TM9SF3: variants seen among roughly 807,000 people sequenced by gnomAD.
TM9SF3 encodes the protein SM-11044-binding protein.
In TM9SF3, 14 loss-of-function variants were observed where a neutral mutation model predicts 78.6. The ratio of observed to expected loss-of-function variants is 0.18; its 90% CI spans 0.12 to 0.28. TM9SF3 has a LOEUF of 0.28. Ranked by LOEUF, TM9SF3 falls within the 10% of genes least tolerant of loss-of-function variation. The pLI is 1.00. For missense variants in TM9SF3, 496 were observed against 721.9 expected (o/e 0.69, Z 3.59); for synonymous variants, 231 against 241.7 (o/e 0.96, Z 0.41).
At chr10:96,524,346 C>A (rs1379131315) in intron 14 of TM9SF3, among the ~76,000 whole-genome samples, 1 of 151,684 alleles carries the variant, frequency 6.6e-6, no homozygotes, top group Non-Finnish European at 1.5e-5. Flanking sequence ...AGAGAAAAAT[C>A]ATTCAATTTT....
chr10:96,581,595 C>T lies in TM9SF3; in HGVS notation c.103-4766G>A, dbSNP rs946133978. Among the ~76,000 whole-genome samples, 11 of 152,262 alleles carry T rather than the reference C, an allele frequency of 7.2e-5. 1 individual carries two copies. The highest frequency in any genetic ancestry group is 7.2e-4 in the Admixed American group (11 of 15,290). On this transcript the variant is annotated intron_variant, in intron 1 of 14. Transcript: ENST00000371142. ...ACTTTCAGTCTATCATTGAGTAGAG[C>T]TGAAAATAGGACAACGAATTACGGC...
chr10:96,524,006 G>C (rs1847810823), intron 14 of TM9SF3, among the ~76,000 whole-genome samples: 1 of 151,686 alleles, frequency 6.6e-6, no homozygotes, highest in Non-Finnish European at 1.5e-5. Flanking sequence ...CACTTGAAAT[G>C]ACATAAGGTC....
chr10:96,581,795 T>C (rs1017067182), intron 1 of TM9SF3, among the ~76,000 whole-genome samples: 2 of 152,220 alleles, frequency 1.3e-5, no homozygotes, highest in Non-Finnish European at 2.9e-5. Flanking sequence ...CTCCGTGATA[T>C]AATACAAATT....
chr10:96,569,260 T>C (rs1848412311), intron 2 of TM9SF3, among the ~76,000 whole-genome samples: 1 of 152,198 alleles, frequency 6.6e-6, no homozygotes, highest in Non-Finnish European at 1.5e-5. Flanking sequence ...GAGAATCCAA[T>C]GAAAGTGATC....
chr10:96,531,977 G>A (rs373074355), intron 10 of TM9SF3, among the ~76,000 whole-genome samples: 4 of 152,120 alleles, frequency 2.6e-5, no homozygotes, highest in East Asian at 1.9e-4. Flanking sequence ...TTGGGAGACC[G>A]AGGTGGGCAG....
chr10:96,578,183 T>C (rs1288039674), intron 1 of TM9SF3, among the ~76,000 whole-genome samples: 2 of 152,192 alleles, frequency 1.3e-5, no homozygotes, highest in Non-Finnish European at 2.9e-5. Flanking sequence ...CAAACATAAA[T>C]GCCTCACTGT....
intron 1 of TM9SF3, among the ~76,000 whole-genome samples, chr10:96,583,506 G>C (rs1435057376): frequency 1.3e-5 from 2 of 152,162 alleles, no homozygotes; most frequent in East Asian, 1.9e-4. Context: ...AATACCTAGT[G>C]CTTTACTGTC....
intron 9 of TM9SF3, among the ~76,000 whole-genome samples, chr10:96,535,588 C>G (rs1847948409): frequency 6.6e-6 from 1 of 152,150 alleles, no homozygotes; most frequent in Non-Finnish European, 1.5e-5. Context: ...AATTTAGCAG[C>G]TAAGAGGGTC....
intron 9 of TM9SF3, among the ~76,000 whole-genome samples, chr10:96,540,988 T>C (rs996595480): frequency 1.4e-4 from 21 of 151,824 alleles, no homozygotes; most frequent in African/African-American, 4.8e-4. Flanking sequence ...ACATTGGCCA[T>C]GGTGATCTCA....
At chr10:96,531,518 C>T (rs1306323334) in intron 10 of TM9SF3, among the ~76,000 whole-genome samples, 1 of 151,958 alleles carries the variant, frequency 6.6e-6, no homozygotes, top group African/African-American at 2.4e-5. Context: ...AATTAACAAA[C>T]TAAAAAACTG....
Position 96,562,000 on chromosome 10 carries a change from G to A in TM9SF3, c.560C>T (p.Thr187Ile). 6.2e-7 allele frequency: 1 copy of A among 1,611,518 alleles called. No homozygotes were observed. The highest frequency in any genetic ancestry group is 2.2e-5 in the East Asian group (1 of 44,782). The change falls in exon 4 of 15, where the codon ACT (threonine) becomes ATT (isoleucine). Residue 187 changes from threonine to isoleucine, a missense_variant. Coordinates refer to ENST00000371142, the MANE Select transcript of TM9SF3 (RefSeq NM_020123.4). ...TACTGAATATGACATCTGGATTTTAGTATTTGGAACCAGTTTCACCTTTCC... is the reference window on the plus strand; with the variant it reads ...TACTGAATATGACATCTGGATTTTAATATTTGGAACCAGTTTCACCTTTCC... ...SEGKVKLVPNTKIQMSYSVKW... is the reference protein window; with the variant it reads ...SEGKVKLVPNIKIQMSYSVKW...
intron 9 of TM9SF3, among the ~76,000 whole-genome samples, chr10:96,533,732 T>C (rs764250748): frequency 6.6e-6 from 1 of 152,228 alleles, no homozygotes; most frequent in Non-Finnish European, 1.5e-5. Flanking sequence ...TTTTCTATCC[T>C]ACACTACCTT....
chr10:96,544,257 T>A (rs1335614291), intron 8 of TM9SF3, 51 bp from the exon 9 acceptor site: 1 of 1,436,944 alleles, frequency 7.0e-7, no homozygotes, highest in Non-Finnish European at 9.3e-7. Context: ...TAGTACGAAA[T>A]TATTTGTTTG....
intron 5 of TM9SF3, among the ~76,000 whole-genome samples, chr10:96,553,495 A>G (rs1564933971): frequency 2.0e-5 from 3 of 152,192 alleles, no homozygotes; most frequent in Non-Finnish European, 2.9e-5. Flanking sequence ...AATAATGTAT[A>G]TATAAAGTAT....
intron 2 of TM9SF3, among the ~76,000 whole-genome samples, chr10:96,567,012 T>A (rs1848381326): frequency 6.6e-6 from 1 of 151,858 alleles, no homozygotes; most frequent in African/African-American, 2.4e-5. Context: ...TTGATAATGG[T>A]CATTAACAAT....
rs186593870 is a variant in TM9SF3, at chr10:96,551,175, T to C, written c.959+70A>G. ...AGTAACGATTTAATTATGATTGACT[T>C]AAAAGATTCCAGTGATTAAAACTAT... On this transcript the variant is annotated intron_variant, in intron 7 of 14. Transcript: ENST00000371142. 1.1e-5 allele frequency: 14 copies of C among 1,276,998 alleles called. No individual in the cohort carries two copies. The African/African-American group carries it at 1.7e-4, about 15-fold the overall frequency. The allele number at this position is 1,276,998 out of a possible 1,614,324, so 79.1% of individuals were successfully genotyped here. A position where few individuals can be genotyped will look rare whatever the true frequency, so the allele number is the denominator to read the frequency against.
chr10:96,558,449 C>T (rs1848261298), intron 5 of TM9SF3, among the ~76,000 whole-genome samples: 1 of 151,970 alleles, frequency 6.6e-6, no homozygotes, highest in African/African-American at 2.4e-5. Flanking sequence ...TCAAGACCAG[C>T]CTGACCAACA....
chr10:96,533,455 T>C (rs760514449), intron 9 of TM9SF3, among the ~76,000 whole-genome samples: 2 of 152,176 alleles, frequency 1.3e-5, no homozygotes. Flanking sequence ...TCTGCCACAA[T>C]CCCTTTTTCT....
chr10:96,573,733 A>G (rs1303544514), intron 2 of TM9SF3, among the ~76,000 whole-genome samples: 1 of 152,196 alleles, frequency 6.6e-6, no homozygotes, highest in East Asian at 1.9e-4. Context: ...AGATATATAG[A>G]CCAACAGAAC....
Sources: gnomAD v4.1 joint callset for allele counts (sites outside exome capture counted in the v4.1 genomes callset) on GRCh38, gnomAD v4.1.1 for gene constraint, MANE v1.5 for transcripts, NCBI Gene and HGNC (gene_info 2026-07-23, HGNC 2026-07-21) for gene names.